The following FLVCR2 variants were observed in gnomAD, a reference collection of about 807,000 sequenced individuals.
FLVCR2 encodes the protein choline/ethanolamine transporter FLVCR2.
In FLVCR2, 38 loss-of-function variants were observed where a neutral mutation model predicts 48.9. The observed-to-expected ratio is 0.78, with a 90% CI of 0.60 to 1.02. The LOEUF is 1.02. Among genes scored for constraint, FLVCR2 ranks in the 50% least tolerant of loss-of-function variants. The pLI, the probability that FLVCR2 is intolerant of heterozygous loss-of-function variation, is 0.00. For synonymous variants in FLVCR2, 255 were observed against 257.0 expected (o/e 0.99, Z 0.07); for missense variants, 664 against 663.3 (o/e 1.00, Z -0.01).
At chr14:75,582,325 G>C (rs1224346176) in intron 1 of FLVCR2, among the ~76,000 whole-genome samples, 2 of 152,196 alleles carry the variant, frequency 1.3e-5, no homozygotes, top group Non-Finnish European at 2.9e-5. Flanking sequence ...TTTAGAGTCA[G>C]TATAAATATT....
intron 1 of FLVCR2, among the ~76,000 whole-genome samples, chr14:75,607,844 G>C (rs987833935): frequency 6.6e-6 from 1 of 152,120 alleles, no homozygotes; most frequent in Non-Finnish European, 1.5e-5. Context: ...AGGTTGAGGT[G>C]GGAGAATCAC....
intron 5 of FLVCR2, among the ~76,000 whole-genome samples, chr14:75,638,898 G>C (rs1277566454): frequency 1.3e-5 from 2 of 152,140 alleles, no homozygotes; most frequent in Non-Finnish European, 2.9e-5. Flanking sequence ...CTCATGGAGA[G>C]AAAGTTCTAT....
Position 75,604,975 on chromosome 14 carries a change from C to T in FLVCR2, c.670-17104C>T, listed in dbSNP as rs563104270. Among the ~76,000 whole-genome samples the T allele has an allele frequency of 3.9e-5, 6 of 152,332 alleles. No homozygotes were observed. The East Asian group carries it at 1.2e-3, about 29-fold the overall frequency. On this transcript the variant is annotated intron_variant, in intron 1 of 9. Coordinates refer to ENST00000238667, the MANE Select transcript of FLVCR2 (RefSeq NM_017791.3). ...GTGACACAGATACTCACTGGGTCAA[C>T]CCCTATGCCTGTGCACAAGACTTTA...
chr14:75,594,000 T>C (rs1484138971), intron 1 of FLVCR2, among the ~76,000 whole-genome samples: 1 of 152,214 alleles, frequency 6.6e-6, no homozygotes, highest in Non-Finnish European at 1.5e-5. Flanking sequence ...GCAATACAGC[T>C]CCTTCAATAT....
At chr14:75,586,419 A>T (rs921294234) in intron 1 of FLVCR2, among the ~76,000 whole-genome samples, 1 of 152,206 alleles carries the variant, frequency 6.6e-6, no homozygotes, top group Non-Finnish European at 1.5e-5. Context: ...GTGGATCTTC[A>T]GTTGCTTCAG....
At position 75,634,944 on chromosome 14, in the gene FLVCR2, C is replaced by CG. The variant is rs1566796023; in HGVS notation, c.1056dup (p.Ile353AspfsTer18). The CG allele has an allele frequency of 6.2e-7, 1 of 1,613,932 alleles. No homozygotes were observed. Among genetic ancestry groups the CG allele is most frequent in the Non-Finnish European group, 8.5e-7 (1 of 1,179,866 alleles). ...GTGAATGCTGGAAGAATTGGCCTGA[C>CG]GATCGTCATTGCAGGAATGCTTGGG... On this transcript the variant is annotated frameshift_variant, in exon 5 of 10. Transcript: ENST00000238667. LOFTEE classifies it high-confidence loss of function.
intron 5 of FLVCR2, among the ~76,000 whole-genome samples, chr14:75,635,485 A>C (rs576818157): frequency 9.2e-5 from 14 of 152,214 alleles, no homozygotes; most frequent in Non-Finnish European, 1.6e-4. Flanking sequence ...ATTATTGTGC[A>C]ATTATTTATA....
chr14:75,595,979 A>G, intron 1 of FLVCR2: 1 of 1,518,984 alleles, frequency 6.6e-7, no homozygotes, highest in South Asian at 1.1e-5. Context: ...CCAGGGGATC[A>G]TAAATCATGC....
In FLVCR2 at chr14:75,605,858, T is replaced by TC. The variant is rs1889278043; in HGVS notation, c.670-16220dup. On this transcript the variant is annotated intron_variant, in intron 1 of 9. Transcript: ENST00000238667. ...TTGGGAGCTGGTTTTCTCCTTTTTT[T>TC]CTTCTCTCCCCTGGAAACTCCTGAT... The TC allele has an allele frequency of 1.9e-5, 10 of 537,926 alleles. No individual in the cohort carries two copies. The East Asian group carries it at 3.2e-4, about 17-fold the overall frequency. 33.3% of individuals were successfully genotyped at this position (537,926 alleles called of 1,614,324 possible).
intron 1 of FLVCR2, among the ~76,000 whole-genome samples, chr14:75,612,797 C>T (rs777266447): frequency 2.7e-4 from 41 of 152,144 alleles, no homozygotes; most frequent in Admixed American, 4.6e-4. Flanking sequence ...GTCCCAAGAC[C>T]CCCTGCCAAA....
rs1437346931 is a variant in FLVCR2, at chr14:75,579,262, G to A, written c.290G>A (p.Cys97Tyr). 1 of 1,614,232 alleles carries A rather than the reference G, an allele frequency of 6.2e-7. No individual in the cohort carries two copies. Among genetic ancestry groups the A allele is most frequent in the Non-Finnish European group, 8.5e-7 (1 of 1,180,048 alleles). ...VVLVFSCYSM[C>Y]NSFQWIQYGS... ...CTGGTGTTTAGCTGCTACTCCATGT[G>A]CAACTCCTTTCAGTGGATCCAGTAC... Residue 97 changes from cysteine to tyrosine, a missense_variant, in exon 1 of 10, where the codon TGC becomes TAC. Physicochemically the swap from Cys to Tyr is radical, Grantham distance 194 (BLOSUM62 -2). Transcript: ENST00000238667.
intron 1 of FLVCR2, among the ~76,000 whole-genome samples, chr14:75,610,201 C>A (rs556729572): frequency 6.6e-6 from 1 of 152,234 alleles, no homozygotes; most frequent in South Asian, 2.1e-4. Context: ...GCTAGAGGGA[C>A]ATTAATGTAT....
intron 1 of FLVCR2, among the ~76,000 whole-genome samples, chr14:75,609,671 G>A (rs975647156): frequency 3.3e-5 from 5 of 152,312 alleles, no homozygotes; most frequent in Admixed American, 3.3e-4. Context: ...GGGCCTGCCA[G>A]TAAGTAATTG....
At chr14:75,579,900 G>A (rs759010388) in intron 1 of FLVCR2, among the ~76,000 whole-genome samples, 2 of 152,170 alleles carry the variant, frequency 1.3e-5, no homozygotes, top group African/African-American at 2.4e-5. Flanking sequence ...TCGCTGTGTC[G>A]TTCTCGAACC....
Position 75,579,230 on chromosome 14 carries a change from C to T in FLVCR2, c.258C>T (p.Ala86=). The change falls in exon 1 of 10, where the codon GCC becomes GCT. Residue 86 remains alanine, a synonymous_variant. Coordinates refer to ENST00000238667, the MANE Select transcript of FLVCR2 (RefSeq NM_017791.3). ...SVIKVSRRRW[A]VVLVFSCYSM... ...TCAAGGTGAGCAGGCGCCGTTGGGCCGTGGTCCTGGTGTTTAGCTGCTACT... is the reference window on the plus strand; with the variant it reads ...TCAAGGTGAGCAGGCGCCGTTGGGCTGTGGTCCTGGTGTTTAGCTGCTACT... The T allele has an allele frequency of 6.2e-7, 1 of 1,614,228 alleles. No homozygotes were observed. The highest frequency in any genetic ancestry group is 8.5e-7 in the Non-Finnish European group (1 of 1,180,054).
At chr14:75,604,514 G>A (rs1288756460) in intron 1 of FLVCR2, among the ~76,000 whole-genome samples, 3 of 151,920 alleles carry the variant, frequency 2.0e-5, no homozygotes, top group Non-Finnish European at 2.9e-5. Context: ...CTTAAGCCTA[G>A]GAGTTCAAGA....
At chr14:75,620,740 G>C (rs370361525) in intron 1 of FLVCR2, among the ~76,000 whole-genome samples, 1 of 152,294 alleles carries the variant, frequency 6.6e-6, no homozygotes, top group South Asian at 2.1e-4. Flanking sequence ...AACTATGAGT[G>C]ACCACTTTTG....
chr14:75,584,735 C>A (rs1262649842), intron 1 of FLVCR2, among the ~76,000 whole-genome samples: 1 of 150,192 alleles, frequency 6.7e-6, no homozygotes, highest in Middle Eastern at 3.4e-3. Flanking sequence ...AGAAAAAACT[C>A]TTTCCCGTTC....
At chr14:75,593,837 C>T (rs1363336268) in intron 1 of FLVCR2, among the ~76,000 whole-genome samples, 1 of 152,222 alleles carries the variant, frequency 6.6e-6, no homozygotes, top group Non-Finnish European at 1.5e-5. Flanking sequence ...TTCTTGGCCA[C>T]GCCCTTGGTT....
Sources: gnomAD v4.1 joint callset for allele counts (sites outside exome capture counted in the v4.1 genomes callset) on GRCh38, gnomAD v4.1.1 for gene constraint, MANE v1.5 for transcripts, NCBI Gene and HGNC (gene_info 2026-07-23, HGNC 2026-07-21) for gene names.